SNAP47: variants seen among roughly 807,000 people sequenced by gnomAD.
The protein encoded by SNAP47 is synaptosomal-associated protein 47.
SNAP47 carries 20 observed loss-of-function variants against 31.4 expected under a neutral mutation model. That is an observed-to-expected ratio of 0.64 (90% CI 0.45 to 0.93). The LOEUF is 0.93. Ranked by LOEUF, SNAP47 falls within the 40% of genes least tolerant of loss-of-function variation. The pLI is 0.00. For missense variants in SNAP47, 492 were observed against 528.5 expected (o/e 0.93, Z 0.68); for synonymous variants, 194 against 213.4 (o/e 0.91, Z 0.79).
rs746526976 is a variant in SNAP47, at chr1:227,735,452, C to T, written c.-93C>T. 2 of 1,443,502 alleles carry T rather than the reference C, an allele frequency of 1.4e-6. No homozygotes were observed. The highest frequency in any genetic ancestry group is 5.7e-5 in the Admixed American group (2 of 34,888). 89.4% of individuals were successfully genotyped at this position (1,443,502 alleles called of 1,614,324 possible). On this transcript the variant is annotated 5_prime_UTR_variant, in exon 1 of 5. Transcript: ENST00000617596. ...CGGTCTTCACTGCGCAGGCGCCGAG[C>T]GGCCGAGGCGCCGCGGTCGGCTCTG...
intron 1 of SNAP47, among the ~76,000 whole-genome samples, chr1:227,738,000 G>A (rs1661338453): frequency 6.6e-6 from 1 of 151,928 alleles, no homozygotes; most frequent in South Asian, 2.1e-4. Flanking sequence ...GGGTTTTTTT[G>A]CTTTGGTTTT....
rs1198229789 is a variant in SNAP47 at position 227,763,089 on chromosome 1, T to C, written c.988+3604T>C. Among the ~76,000 whole-genome samples the C allele has an allele frequency of 1.3e-5, 2 of 152,114 alleles. No homozygotes were observed. Among genetic ancestry groups the C allele is most frequent in the African/African-American group, 4.8e-5 (2 of 41,420 alleles). The stretch of plus-strand genomic sequence containing the variant: ...CTCCTGCCTTGGCCTCTCAAGTAGC[T>C]GGGACTATAGGCACATATCACCATG... On this transcript the variant is annotated intron_variant, in intron 3 of 4. Coordinates refer to ENST00000617596, the MANE Select transcript of SNAP47 (RefSeq NM_053052.4). The surrounding 1 kb of genome is among the most constrained non-coding windows in gnomAD (Gnocchi z 4.2).
At chr1:227,780,373 G>A (rs1346435355) in intron 4 of SNAP47, among the ~76,000 whole-genome samples, 154 bp from the exon 5 acceptor site, 1 of 152,228 alleles carries the variant, frequency 6.6e-6, no homozygotes, top group African/African-American at 2.4e-5. Flanking sequence ...ACCTGACCCT[G>A]GTGCTGGGCT....
chr1:227,768,739 C>CT (rs1333417141), intron 4 of SNAP47, among the ~76,000 whole-genome samples: 6 of 152,196 alleles, frequency 3.9e-5, no homozygotes, highest in Non-Finnish European at 8.8e-5. Context: ...TGGCCTGGGT[C>CT]TCGTTTGCTC....
At chr1:227,734,040 G>T, upstream of SNAP47, 1 of 1,611,866 alleles carries the variant, frequency 6.2e-7, no homozygotes, top group South Asian at 1.1e-5. Context: ...TCCCTGTGAG[G>T]AGGGCGCAAG....
chr1:227,735,263 T>G (rs1174490538), upstream of SNAP47: 36 of 1,604,974 alleles, frequency 2.2e-5, no homozygotes, highest in Non-Finnish European at 3.1e-5. Flanking sequence ...GGCGCGCGTC[T>G]CGCGGTCCAT....
upstream of SNAP47, chr1:227,733,936 G>T (rs766933897): frequency 1.9e-6 from 3 of 1,613,926 alleles, no homozygotes; most frequent in South Asian, 3.3e-5. Context: ...CGTAGACAAA[G>T]CGGTAGTCAT....
At chr1:227,780,093 A>G (rs1664375713) in intron 4 of SNAP47, among the ~76,000 whole-genome samples, 1 of 152,136 alleles carries the variant, frequency 6.6e-6, no homozygotes, top group African/African-American at 2.4e-5. Flanking sequence ...CCACATGCAG[A>G]CAGGTCTCAC....
chr1:227,774,931 C>T (rs115625287), intron 4 of SNAP47, among the ~76,000 whole-genome samples: 10,463 of 152,326 alleles, frequency 0.069, 505 homozygotes, highest in Middle Eastern at 0.2. Flanking sequence ...AGTCCAGGCC[C>T]AGCTCCTTGC....
At chr1:227,746,460 A>C (rs909063858) in intron 1 of SNAP47, 1 of 152,318 alleles carries the variant, frequency 6.6e-6, no homozygotes, top group Non-Finnish European at 1.5e-5. Context: ...CTTCCAATGC[A>C]GGTGTGGCTT....
intron 3 of SNAP47, among the ~76,000 whole-genome samples, chr1:227,761,863 C>T (rs947195562): frequency 1.3e-5 from 2 of 152,174 alleles, no homozygotes; most frequent in Admixed American, 6.5e-5. Flanking sequence ...GCGAGCACTC[C>T]TGTGTTCCGC....
At chr1:227,759,794 C>G (rs1662946872) in intron 3 of SNAP47, 1 of 404,734 alleles carries the variant, frequency 2.5e-6, no homozygotes, top group African/African-American at 2.0e-5. Flanking sequence ...AATTTGGTCG[C>G]CAGTGTGGCA....
intron 4 of SNAP47, among the ~76,000 whole-genome samples, chr1:227,777,934 C>T (rs1664256102): frequency 1.3e-5 from 2 of 152,210 alleles, no homozygotes; most frequent in South Asian, 4.1e-4. Flanking sequence ...GCAGGTCACC[C>T]TCTCTGTGAA....
upstream of SNAP47, chr1:227,734,380 C>T (rs530534124): frequency 2.7e-4 from 80 of 293,606 alleles, no homozygotes; most frequent in African/African-American, 2.0e-3. Flanking sequence ...AAAAAAAAGC[C>T]GGGAGTGGAG....
At chr1:227,738,182 C>G (rs1044524720) in intron 1 of SNAP47, among the ~76,000 whole-genome samples, 1 of 152,154 alleles carries the variant, frequency 6.6e-6, no homozygotes, top group African/African-American at 2.4e-5. Context: ...GCGAAGATTA[C>G]AGGCGCGCAC....
chr1:227,771,879 C>G (rs1663836387), intron 4 of SNAP47, among the ~76,000 whole-genome samples: 1 of 152,180 alleles, frequency 6.6e-6, no homozygotes, highest in South Asian at 2.1e-4. Flanking sequence ...ACCTGGGAAA[C>G]TACCGGTGCA....
chr1:227,759,480 A>T lies in SNAP47; in HGVS notation c.983A>T (p.His328Leu). The T allele has an allele frequency of 6.2e-7, 1 of 1,613,512 alleles. No homozygotes were observed. Among genetic ancestry groups the T allele is most frequent in the Admixed American group, 1.7e-5 (1 of 60,008 alleles). Reference protein sequence around the residue: ...SPAEKSCSVWHAASGLMGRTL... With the variant: ...SPAEKSCSVWLAASGLMGRTL... ...GCAGAGAAGAGCTGCTCAGTCTGGC[A>T]TGCAGGTTAGTGACCGACAAGGCAG... Residue 328 changes from histidine to leucine, a missense_variant, in exon 3 of 5, where the codon CAT becomes CTT. Physicochemically the swap from His to Leu is moderately conservative, Grantham distance 99. Transcript: ENST00000617596.
chr1:227,750,891 G>A (rs1004735248), intron 2 of SNAP47, among the ~76,000 whole-genome samples: 6 of 152,202 alleles, frequency 3.9e-5, no homozygotes, highest in Non-Finnish European at 7.4e-5. Flanking sequence ...AGCGTTGGGT[G>A]CACCCAGAGA....
At chr1:227,729,192 G>A (rs1356559291) in intron 1 of SNAP47, among the ~76,000 whole-genome samples, 1 of 152,200 alleles carries the variant, frequency 6.6e-6, no homozygotes, top group Admixed American at 6.5e-5. Context: ...CAGTGGGAGG[G>A]TAACTGGGGC....
Sources: allele counts gnomAD v4.1 joint callset (sites outside exome capture counted in the v4.1 genomes callset), GRCh38; gene constraint gnomAD v4.1.1; non-coding constraint Gnocchi (gnomAD v3.1); transcripts MANE v1.5; gene names NCBI Gene and HGNC (gene_info 2026-07-23, HGNC 2026-07-21).